Variants in CD9 observed in about 807,000 individuals in gnomAD.
CD9 encodes the protein CD9 molecule.
Under a neutral mutation model 31.4 loss-of-function variants are expected in CD9, and 10 were observed. The ratio of observed to expected loss-of-function variants is 0.32; its 90% CI spans 0.20 to 0.54. CD9 has a LOEUF of 0.54. CD9 is among the 20% of genes least tolerant of loss of function. CD9 has a pLI of 0.94. For synonymous variants in CD9, 113 were observed against 114.1 expected (o/e 0.99, Z 0.06); for missense variants, 259 against 300.1 (o/e 0.86, Z 1.01).
intron 2 of CD9, chr12:6,226,195 A>C (rs1473974801): frequency 2.6e-5 from 4 of 152,300 alleles, no homozygotes; most frequent in African/African-American, 9.6e-5. Context: ...GTTTCTTTCT[A>C]CACTCAGGCT....
chr12:6,212,708 T>G (rs573843895), intron 1 of CD9, among the ~76,000 whole-genome samples: 3 of 152,336 alleles, frequency 2.0e-5, no homozygotes, highest in African/African-American at 7.2e-5. Context: ...AGTTCAACTT[T>G]TTTTATGTTG....
intron 1 of CD9, among the ~76,000 whole-genome samples, chr12:6,217,040 C>T (rs932248287): frequency 2.6e-5 from 4 of 152,074 alleles, no homozygotes; most frequent in African/African-American, 4.8e-5. Flanking sequence ...TTTCCACAAA[C>T]GAGGACTGTA....
intron 2 of CD9, among the ~76,000 whole-genome samples, chr12:6,230,788 A>C (rs1319272155): frequency 6.6e-6 from 1 of 152,228 alleles, no homozygotes; most frequent in East Asian, 1.9e-4. Flanking sequence ...GACAAGCTAC[A>C]TTTGTCCCCT....
intron 1 of CD9, among the ~76,000 whole-genome samples, chr12:6,216,184 C>T (rs1044960301): frequency 1.2e-4 from 18 of 152,228 alleles, no homozygotes; most frequent in African/African-American, 4.1e-4. Context: ...GCCCAGAGCC[C>T]ACAGGTCTGG....
intron 1 of CD9, among the ~76,000 whole-genome samples, chr12:6,224,187 C>T (rs953377892): frequency 2.0e-5 from 3 of 152,166 alleles, no homozygotes; most frequent in Non-Finnish European, 2.9e-5. Flanking sequence ...AGATGCACTT[C>T]TGATATTATC....
chr12:6,213,133 G>T (rs1946209701), intron 1 of CD9, among the ~76,000 whole-genome samples: 1 of 152,200 alleles, frequency 6.6e-6, no homozygotes, highest in African/African-American at 2.4e-5. Flanking sequence ...TATGGGCCTG[G>T]CTCACAGGCA....
intron 1 of CD9, among the ~76,000 whole-genome samples, chr12:6,210,449 G>C (rs191935579): frequency 2.6e-5 from 4 of 152,306 alleles, no homozygotes; most frequent in Admixed American, 6.5e-5. Context: ...AGGAAGCACC[G>C]GCTGTTTTTT....
At chr12:6,235,895 C>T (rs1946514651) in intron 6 of CD9, 3 of 1,369,408 alleles carry the variant, frequency 2.2e-6, no homozygotes. Flanking sequence ...AGTTAATGTC[C>T]AACTCCAGAA....
At chr12:6,215,500 A>G (rs1287032629) in intron 1 of CD9, among the ~76,000 whole-genome samples, 2 of 152,196 alleles carry the variant, frequency 1.3e-5, no homozygotes, top group Non-Finnish European at 2.9e-5. Context: ...TTCCTGGGTC[A>G]TCCTGCTGCT....
chr12:6,209,338 T>C (rs565386455), intron 1 of CD9, among the ~76,000 whole-genome samples: 4 of 152,326 alleles, frequency 2.6e-5, no homozygotes, highest in African/African-American at 9.6e-5. Flanking sequence ...GCAGTTGCAG[T>C]GTGTAGTGTG....
intron 7 of CD9, 168 bp downstream of exon 7, chr12:6,236,443 T>C: frequency 1.6e-6 from 1 of 637,614 alleles, no homozygotes; most frequent in Non-Finnish European, 2.7e-6. Flanking sequence ...GAGAGGCCGA[T>C]GTTCTGATCA....
chr12:6,223,377 T>C (rs1039146019), intron 1 of CD9, among the ~76,000 whole-genome samples: 1 of 151,740 alleles, frequency 6.6e-6, no homozygotes. Context: ...TTCTCCTGCC[T>C]CAGCCTCTGG....
chr12:6,235,109 C>G (rs1199562429), intron 4 of CD9, 120 bp from the exon 5 acceptor site: 1 of 773,686 alleles, frequency 1.3e-6, no homozygotes, highest in Non-Finnish European at 2.2e-6. Context: ...GTGACGTTGT[C>G]CAAGCACAGG....
chr12:6,209,881 T>C (rs764268497), intron 1 of CD9, among the ~76,000 whole-genome samples: 3 of 152,050 alleles, frequency 2.0e-5, no homozygotes, highest in Non-Finnish European at 4.4e-5. Context: ...GATGGGGTTT[T>C]GCCACGTTGA....
intron 2 of CD9, among the ~76,000 whole-genome samples, chr12:6,227,494 G>A (rs765278882): frequency 3.3e-5 from 5 of 152,142 alleles, no homozygotes; most frequent in East Asian, 1.9e-4. Context: ...CACCTCGCCC[G>A]GCTGGAAGAC....
At chr12:6,205,023 G>A (rs115374489) in intron 1 of CD9, among the ~76,000 whole-genome samples, 2,005 of 152,338 alleles carry the variant, frequency 0.013, 41 homozygotes, top group African/African-American at 0.045. Flanking sequence ...TCAGGATTCC[G>A]GATCTGGGCA....
chr12:6,204,294 G>A (rs746970988), intron 1 of CD9, among the ~76,000 whole-genome samples: 1 of 152,138 alleles, frequency 6.6e-6, no homozygotes, highest in African/African-American at 2.4e-5. Context: ...TATTGGGTAC[G>A]ATGTATACTA....
At chr12:6,203,197 G>A (rs1426904055) in intron 1 of CD9, among the ~76,000 whole-genome samples, 5 of 152,100 alleles carry the variant, frequency 3.3e-5, no homozygotes, top group African/African-American at 9.7e-5. Context: ...CTTATCCAAG[G>A]TGATGCGGCA....
intron 1 of CD9, among the ~76,000 whole-genome samples, chr12:6,214,227 C>A (rs4764543): frequency 0.059 from 8,925 of 152,060 alleles, 701 homozygotes; most frequent in Admixed American, 0.2. Flanking sequence ...GTACATAAAC[C>A]ACCTCCTGTA....
Sources: allele counts gnomAD v4.1 joint callset (sites outside exome capture counted in the v4.1 genomes callset), GRCh38; gene constraint gnomAD v4.1.1; transcripts MANE v1.5; gene names NCBI Gene and HGNC (gene_info 2026-07-23, HGNC 2026-07-21).